The following MICU1 variants were observed in gnomAD, a reference collection of about 807,000 sequenced individuals.
The protein encoded by MICU1 is mitochondrial calcium uptake 1.
Under a neutral mutation model 56.8 loss-of-function variants are expected in MICU1, and 45 were observed. That is an observed-to-expected ratio of 0.79 (90% confidence interval 0.62 to 1.02). The LOEUF is 1.02. Ranked by LOEUF, MICU1 falls within the 50% of genes least tolerant of loss-of-function variation. The pLI is 0.00. For synonymous variants in MICU1, 186 were observed against 195.1 expected (o/e 0.95, Z 0.39); for missense variants, 504 against 587.1 (o/e 0.86, Z 1.46).
intron 10 of MICU1, among the ~76,000 whole-genome samples, chr10:72,407,283 T>C (rs189239109): frequency 6.6e-6 from 1 of 152,332 alleles, no homozygotes; most frequent in Admixed American, 6.5e-5. Context: ...GGTGAAAATA[T>C]GCATAGTCAT....
intron 11 of MICU1, among the ~76,000 whole-genome samples, chr10:72,370,569 G>T (rs1336091406): frequency 2.0e-5 from 3 of 152,124 alleles, no homozygotes; most frequent in African/African-American, 7.2e-5. Flanking sequence ...AAGTACAAAG[G>T]TAAAACTGTG....
In MICU1 at chr10:72,496,867, C is replaced by T. The variant is rs375974126; in HGVS notation, c.652+11288G>A. Among the ~76,000 whole-genome samples, 72 of 152,146 alleles carry T rather than the reference C, an allele frequency of 4.7e-4. 1 individual carries two copies. The East Asian group carries it at 7.3e-3, about 16-fold the overall frequency. The stretch of plus-strand genomic sequence containing the variant: ...GATTACAGGAGTGAGCCACTGTGCC[C>T]GGCCAGAAAAATTCTCAGATATTTA... On this transcript the variant is annotated intron_variant, in intron 6 of 11. Coordinates refer to ENST00000361114, the MANE Select transcript of MICU1 (RefSeq NM_001195518.2).
chr10:72,423,150 T>C, intron 9 of MICU1, 84 bp downstream of exon 9: 2 of 1,506,364 alleles, frequency 1.3e-6, no homozygotes, highest in Non-Finnish European at 1.8e-6. Flanking sequence ...TGAAATACTC[T>C]CATCATTATG....
intron 6 of MICU1, among the ~76,000 whole-genome samples, chr10:72,500,642 TC>T (rs1867040181): frequency 6.6e-6 from 1 of 152,014 alleles, no homozygotes; most frequent in South Asian, 2.1e-4. Context: ...TATTATTGCC[TC>T]CCCATCAAGC....
At chr10:72,559,430 T>C (rs1018581070) in intron 3 of MICU1, among the ~76,000 whole-genome samples, 1 of 151,754 alleles carries the variant, frequency 6.6e-6, no homozygotes, top group African/African-American at 2.4e-5. Flanking sequence ...CTACAGACTA[T>C]ATAATTTTAT....
chr10:72,470,947 G>C (rs1179468082), intron 8 of MICU1, among the ~76,000 whole-genome samples: 4 of 152,176 alleles, frequency 2.6e-5, no homozygotes, highest in Admixed American at 2.6e-4. Context: ...AAACAAAAGA[G>C]AGCCTTCTAG....
intron 1 of MICU1, among the ~76,000 whole-genome samples, chr10:72,595,991 T>C (rs71507068): frequency 0.47 from 69,518 of 149,494 alleles, 19,913 homozygotes; most frequent in Non-Finnish European, 0.67. Context: ...TTTTCTTTTT[T>C]TTTTTTTTTT....
intron 5 of MICU1, among the ~76,000 whole-genome samples, chr10:72,529,455 T>C (rs751241965): frequency 1.3e-5 from 2 of 152,142 alleles, no homozygotes; most frequent in Non-Finnish European, 2.9e-5. Flanking sequence ...TTAGAAGACA[T>C]AAGGGGACTG....
chr10:72,530,503 C>A (rs1839449666), intron 5 of MICU1, among the ~76,000 whole-genome samples: 1 of 151,888 alleles, frequency 6.6e-6, no homozygotes, highest in Non-Finnish European at 1.5e-5. Flanking sequence ...AACCTAGTCT[C>A]ATATTTTCAA....
intron 10 of MICU1, among the ~76,000 whole-genome samples, chr10:72,393,146 CATTT>C (rs950328059): frequency 6.6e-6 from 1 of 152,212 alleles, no homozygotes; most frequent in African/African-American, 2.4e-5. Flanking sequence ...TTCACTCATT[CATTT>C]GTTGACTATA....
At chr10:72,396,137 C>G (rs1042676907) in intron 10 of MICU1, among the ~76,000 whole-genome samples, 2 of 152,314 alleles carry the variant, frequency 1.3e-5, no homozygotes, top group East Asian at 1.9e-4. Flanking sequence ...GATACCCAGG[C>G]AAACAGGGTC....
chr10:72,431,457 C>T (rs1864529379), intron 8 of MICU1, among the ~76,000 whole-genome samples: 1 of 152,136 alleles, frequency 6.6e-6, no homozygotes, highest in Admixed American at 6.6e-5. Flanking sequence ...ATCAGCTTTC[C>T]TCTAAATGGA....
intron 3 of MICU1, among the ~76,000 whole-genome samples, chr10:72,560,667 C>T (rs374043310): frequency 3.9e-5 from 6 of 152,218 alleles, no homozygotes; most frequent in Admixed American, 1.3e-4. Context: ...CTCAGGAGTT[C>T]GAGACCAGTC....
intron 6 of MICU1, among the ~76,000 whole-genome samples, chr10:72,499,161 C>T (rs1866947146): frequency 6.6e-6 from 1 of 152,086 alleles, no homozygotes; most frequent in African/African-American, 2.4e-5. Context: ...TCTTATAAGC[C>T]ACAATTTGCT....
intron 6 of MICU1, among the ~76,000 whole-genome samples, chr10:72,489,996 T>C (rs900268513): frequency 1.3e-5 from 2 of 152,306 alleles, no homozygotes; most frequent in African/African-American, 4.8e-5. Flanking sequence ...GTTTTGGAAG[T>C]TGAAGAATGT....
chr10:72,608,169 A>G (rs569234693), intron 1 of MICU1, among the ~76,000 whole-genome samples: 1 of 152,122 alleles, frequency 6.6e-6, no homozygotes, highest in Non-Finnish European at 1.5e-5. Context: ...CCTGGATTCA[A>G]GCGATTCTCC....
chr10:72,520,999 G>T (rs1867801931), intron 5 of MICU1, among the ~76,000 whole-genome samples: 1 of 151,996 alleles, frequency 6.6e-6, no homozygotes, highest in Non-Finnish European at 1.5e-5. Flanking sequence ...ATTTAATTTT[G>T]AACTTTGGCC....
Position 72,477,471 on chromosome 10 carries a change from A to T in MICU1, c.653-215T>A, listed in dbSNP as rs1866159780. The T allele has an allele frequency of 6.6e-6, 10 of 1,517,766 alleles. No homozygotes were observed. In the South Asian group the frequency reaches 1.2e-4, roughly 18 times the overall value. 94.0% of individuals were successfully genotyped at this position (1,517,766 alleles called of 1,614,324 possible). A position where few individuals can be genotyped will look rare whatever the true frequency, so the allele number is the denominator to read the frequency against. On this transcript the variant is annotated intron_variant, in intron 6 of 11. Coordinates refer to ENST00000361114, the MANE Select transcript of MICU1 (RefSeq NM_001195518.2). ...ACCAAAAAAGAGTAGTACTACGGCC[A>T]GTAAAGACAGCACTTGTCTACCTTT...
intron 6 of MICU1, among the ~76,000 whole-genome samples, chr10:72,485,451 T>C (rs936639962): frequency 2.0e-5 from 3 of 151,912 alleles, no homozygotes; most frequent in African/African-American, 7.3e-5. Flanking sequence ...ATCAGGATTA[T>C]ATAATTAACC....
Sources: allele counts gnomAD v4.1 joint callset (sites outside exome capture counted in the v4.1 genomes callset), GRCh38; gene constraint gnomAD v4.1.1; transcripts MANE v1.5; gene names NCBI Gene and HGNC (gene_info 2026-07-23, HGNC 2026-07-21).